Variants in KATNIP observed in about 807,000 individuals in gnomAD.
KATNIP encodes the protein katanin-interacting protein.
A neutral mutation model predicts 174.0 loss-of-function variants in KATNIP; 126 were observed. The observed-to-expected ratio is 0.72, with a 90% CI of 0.63 to 0.84. The LOEUF (loss-of-function observed/expected upper bound fraction) is 0.84, where lower values mean the gene tolerates loss of function less well. Ranked by LOEUF, KATNIP falls within the 40% of genes least tolerant of loss-of-function variation. KATNIP has a pLI of 0.00. For missense variants in KATNIP, 1,958 were observed against 2,109.7 expected (o/e 0.93, Z 1.41); for synonymous variants, 810 against 835.7 (o/e 0.97, Z 0.53).
chr16:27,558,661 A>G (rs1415966411), intron 1 of KATNIP, among the ~76,000 whole-genome samples: 1 of 152,182 alleles, frequency 6.6e-6, no homozygotes, highest in East Asian at 1.9e-4. Flanking sequence ...ACCCTTTCAC[A>G]TACATATAGT....
At chr16:27,695,989 ATTC>A (rs1384906497) in intron 8 of KATNIP, among the ~76,000 whole-genome samples, 2 of 152,148 alleles carry the variant, frequency 1.3e-5, no homozygotes, top group Admixed American at 6.5e-5. Flanking sequence ...ATATTTTAGT[ATTC>A]TTTTCTTTTT....
chr16:27,778,412 G>C (rs2082581306), intron 27 of KATNIP, among the ~76,000 whole-genome samples, 162 bp from the exon 28 acceptor site: 2 of 152,210 alleles, frequency 1.3e-5, no homozygotes, highest in Admixed American at 1.3e-4. Context: ...GCCTGCTCCA[G>C]GCGGAGGGAA....
At chr16:27,657,909 T>C (rs2077351722) in intron 6 of KATNIP, among the ~76,000 whole-genome samples, 1 of 152,040 alleles carries the variant, frequency 6.6e-6, no homozygotes, top group Non-Finnish European at 1.5e-5. Context: ...GACTCCATCT[T>C]GGGAAAAACA....
intron 2 of KATNIP, among the ~76,000 whole-genome samples, chr16:27,616,744 TAAAAG>T (rs1313993136): frequency 1.3e-5 from 2 of 149,244 alleles, no homozygotes; most frequent in African/African-American, 4.9e-5. Flanking sequence ...AAATAAAAAA[TAAAAG>T]AAATAAAAGG....
Position 27,740,687 on chromosome 16 carries a change from G to A in KATNIP, c.2390G>A (p.Gly797Asp). ...RLPSDDVIGE[G>D]PGETEARDKG... The stretch of plus-strand genomic sequence containing the variant: ...CCATCAGACGATGTCATCGGTGAGG[G>A]TCCTGGAGAGACCGAGGCCAGGGAT... Residue 797 changes from glycine to aspartate, a missense_variant, in exon 15 of 28, where the codon GGT (glycine) becomes GAT (aspartate). Transcript: ENST00000261588. The A allele has an allele frequency of 6.2e-7, 1 of 1,614,186 alleles. No homozygotes were observed. Among genetic ancestry groups the A allele is most frequent in the Non-Finnish European group, 8.5e-7 (1 of 1,180,034 alleles).
chr16:27,599,960 A>G (rs1355947130), intron 2 of KATNIP, among the ~76,000 whole-genome samples: 1 of 151,944 alleles, frequency 6.6e-6, no homozygotes, highest in Non-Finnish European at 1.5e-5. Flanking sequence ...CAATTAACCC[A>G]TTCATCCTTC....
intron 6 of KATNIP, among the ~76,000 whole-genome samples, chr16:27,656,420 A>G (rs1283519010): frequency 7.0e-5 from 9 of 129,432 alleles, no homozygotes; most frequent in South Asian, 2.4e-4. Context: ...TCTGTCTCAG[A>G]AAAAAAAAAA....
Position 27,777,898 on chromosome 16 carries a change from A to G in KATNIP, c.4730A>G (p.Gln1577Arg). Residue 1577 changes from glutamine to arginine, a missense_variant, in exon 27 of 28, where the codon CAA becomes CGA. Transcript: ENST00000261588. The surrounding 1 kb of genome is among the most constrained non-coding windows in gnomAD (Gnocchi z 4.4). Reference sequence around the variant, plus strand: ...ACCCTCAGTAATCAGGCCGAGGATCAAGATGTCCAGATGATGAATGAAAAC... The same window carrying G: ...ACCCTCAGTAATCAGGCCGAGGATCGAGATGTCCAGATGATGAATGAAAAC... ...HTTISNQAED[Q>R]DVQMMNENQI... The G allele has an allele frequency of 6.2e-7, 1 of 1,614,236 alleles. No individual in the cohort carries two copies. Among genetic ancestry groups the G allele is most frequent in the East Asian group, 2.2e-5 (1 of 44,888 alleles).
Position 27,577,537 on chromosome 16 carries a change from CA to C in KATNIP, c.63+3586del, listed in dbSNP as rs376296237. On this transcript the variant is annotated intron_variant, in intron 2 of 27. Coordinates refer to ENST00000261588, the MANE Select transcript of KATNIP (RefSeq NM_015202.5). The stretch of plus-strand genomic sequence containing the variant: ...TGAAACCCTATCTCTACTAAAAATA[CA>C]AAAATTAGCCGGACGTGGTGGCAGG... 3.6e-4 allele frequency among the ~76,000 whole-genome samples: 54 copies of C among 151,744 alleles called. 1 individual carries two copies. The highest frequency in any genetic ancestry group is 7.1e-4 in the Non-Finnish European group (48 of 67,874).
intron 8 of KATNIP, among the ~76,000 whole-genome samples, chr16:27,693,271 C>T (rs1026638246): frequency 2.0e-5 from 3 of 152,316 alleles, no homozygotes; most frequent in South Asian, 4.2e-4. Context: ...CTCCAGTGGG[C>T]GAGCAGAATC....
intron 3 of KATNIP, among the ~76,000 whole-genome samples, chr16:27,620,312 G>A (rs768371460): frequency 9.9e-5 from 15 of 152,186 alleles, no homozygotes; most frequent in East Asian, 1.9e-4. Flanking sequence ...CTGAGCCATC[G>A]TCGGTGAAAT....
chr16:27,583,935 A>G (rs887617574), intron 2 of KATNIP, among the ~76,000 whole-genome samples: 7 of 152,100 alleles, frequency 4.6e-5, no homozygotes, highest in Admixed American at 4.6e-4. Flanking sequence ...TTAGGCTTAC[A>G]GTGTAGAGGC....
At chr16:27,773,903 T>C (rs912487427) in intron 23 of KATNIP, among the ~76,000 whole-genome samples, 2 of 152,178 alleles carry the variant, frequency 1.3e-5, no homozygotes, top group African/African-American at 4.8e-5. Flanking sequence ...CTGTGCTACC[T>C]CATCTGCCCT....
chr16:27,563,087 A>G (rs2089952959), intron 1 of KATNIP, among the ~76,000 whole-genome samples: 1 of 152,226 alleles, frequency 6.6e-6, no homozygotes, highest in East Asian at 1.9e-4. Flanking sequence ...GAATTCACTG[A>G]TAAGCCAGAT....
At position 27,628,600 on chromosome 16, in the gene KATNIP, G is replaced by T. The variant is rs537685752; in HGVS notation, c.141-61G>T. On this transcript the variant is annotated intron_variant, in intron 3 of 27. Coordinates refer to ENST00000261588, the MANE Select transcript of KATNIP (RefSeq NM_015202.5). ...GGAACAGCAGTTCACTCCTGGCTTG[G>T]GGGTACAGCAGCCCAGACTCTCAAA... The T allele has an allele frequency of 4.0e-3, 6,238 of 1,557,520 alleles. 12 individuals carry two copies. Among genetic ancestry groups the T allele is most frequent in the Non-Finnish European group, 5.0e-3 (5,664 of 1,136,744 alleles).
chr16:27,715,297 CA>C (rs2079880313), intron 13 of KATNIP, among the ~76,000 whole-genome samples: 1 of 152,106 alleles, frequency 6.6e-6, no homozygotes, highest in Non-Finnish European at 1.5e-5. Context: ...CTCAATGGAT[CA>C]AAGACCTAAA....
chr16:27,778,757 T>G lies in KATNIP; in HGVS notation c.*128T>G, dbSNP rs1452993617. ...AACCACAGTGTTGAGGGGAGCCCGCTGGGAAGAGGGGACTCGGGAGGACAG... is the reference window on the plus strand; with the variant it reads ...AACCACAGTGTTGAGGGGAGCCCGCGGGGAAGAGGGGACTCGGGAGGACAG... On this transcript the variant is annotated 3_prime_UTR_variant, in exon 28 of 28. Transcript: ENST00000261588. 2.3e-6 allele frequency: 2 copies of G among 864,192 alleles called. No homozygotes were observed. The highest frequency in any genetic ancestry group is 3.6e-6 in the Non-Finnish European group (2 of 557,836). 53.5% of individuals were successfully genotyped at this position (864,192 alleles called of 1,614,324 possible). A position where few individuals can be genotyped will look rare whatever the true frequency, so the allele number is the denominator to read the frequency against.
intron 1 of KATNIP, among the ~76,000 whole-genome samples, chr16:27,561,310 A>G (rs908517693): frequency 1.3e-5 from 2 of 151,714 alleles, no homozygotes; most frequent in African/African-American, 4.8e-5. Context: ...GGCGTGGGCC[A>G]CTTTGCCTGG....
chr16:27,594,659 C>T (rs2075283725), intron 2 of KATNIP, among the ~76,000 whole-genome samples: 1 of 152,026 alleles, frequency 6.6e-6, no homozygotes, highest in African/African-American at 2.4e-5. Context: ...TACTGTCTTG[C>T]CTAGGCTGGT....
Sources: allele counts gnomAD v4.1 joint callset (sites outside exome capture counted in the v4.1 genomes callset), GRCh38; gene constraint gnomAD v4.1.1; non-coding constraint Gnocchi (gnomAD v3.1); transcripts MANE v1.5; gene names NCBI Gene and HGNC (gene_info 2026-07-23, HGNC 2026-07-21).